Variants in DMRT1 observed in about 807,000 individuals in gnomAD.
DMRT1 encodes doublesex and mab-3 related transcription factor 1.
In DMRT1, 7 loss-of-function variants were observed where a neutral mutation model predicts 32.3. The ratio of observed to expected loss-of-function variants is 0.22; its 90% confidence interval spans 0.12 to 0.41. The LOEUF (loss-of-function observed/expected upper bound fraction) is 0.41, where lower values mean the gene tolerates loss of function less well. DMRT1 is among the 10% of genes least tolerant of loss of function. DMRT1 has a pLI of 1.00. For synonymous variants in DMRT1, 278 were observed against 206.1 expected, an observed-to-expected ratio of 1.35 and a Z score of -2.99; for missense variants, 625 against 500.5, an observed-to-expected ratio of 1.25 and a Z score of -2.37.
At chr9:966,160 T>C (rs1173317721) in intron 4 of DMRT1, among the ~76,000 whole-genome samples, 1 of 152,204 alleles carries the variant, frequency 6.6e-6, no homozygotes, top group Non-Finnish European at 1.5e-5. Flanking sequence ...ATGTATACAA[T>C]TAATAAATCA....
At chr9:858,519 TATTA>T (rs34677462) in intron 2 of DMRT1, among the ~76,000 whole-genome samples, 12,071 of 152,084 alleles carry the variant, frequency 0.079, 1,395 homozygotes, top group African/African-American at 0.26. Context: ...CCTCTTTTTA[TATTA>T]ATTAACTTAT....
intron 2 of DMRT1, among the ~76,000 whole-genome samples, chr9:879,254 G>C (rs139381361): frequency 6.6e-6 from 1 of 151,946 alleles, no homozygotes; most frequent in East Asian, 1.9e-4. Context: ...ATTTATGTGG[G>C]TTATATCTAT....
At chr9:918,420 G>A (rs999720789) in intron 4 of DMRT1, among the ~76,000 whole-genome samples, 2 of 152,162 alleles carry the variant, frequency 1.3e-5, no homozygotes, top group Admixed American at 6.6e-5. Flanking sequence ...AAATATAAGA[G>A]GCAATTTATT....
At chr9:880,686 A>G (rs1401807615) in intron 2 of DMRT1, among the ~76,000 whole-genome samples, 2 of 145,792 alleles carry the variant, frequency 1.4e-5, no homozygotes, top group Non-Finnish European at 3.0e-5. Context: ...AGATTGTGTC[A>G]TTGCACTCCA....
chr9:903,609 G>A (rs972908754), intron 3 of DMRT1, among the ~76,000 whole-genome samples: 1 of 152,226 alleles, frequency 6.6e-6, no homozygotes, highest in African/African-American at 2.4e-5. Flanking sequence ...GTGATGGTGG[G>A]AAGTTTAGCC....
chr9:914,097 G>A (rs941264229), intron 3 of DMRT1, among the ~76,000 whole-genome samples: 2 of 152,234 alleles, frequency 1.3e-5, no homozygotes, highest in East Asian at 1.9e-4. Context: ...AAAAGATGCT[G>A]CAGTGCTCTA....
intron 4 of DMRT1, among the ~76,000 whole-genome samples, chr9:961,484 A>T (rs1232943234): frequency 1.3e-5 from 2 of 152,306 alleles, no homozygotes; most frequent in Admixed American, 1.3e-4. Context: ...ATCGTGGGAT[A>T]ATAATGCTAT....
In DMRT1 at chr9:878,960, C is replaced by T. The variant is rs192622734; in HGVS notation, c.539-14952C>T. On this transcript the variant is annotated intron_variant, in intron 2 of 4. Transcript: ENST00000382276. Reference sequence around the variant, plus strand: ...TTTGCTTGGGACCAGTGCTCTCAACCTGAAGTTGTGCTGCCTGGCCATATT... The same window carrying T: ...TTTGCTTGGGACCAGTGCTCTCAACTTGAAGTTGTGCTGCCTGGCCATATT... Among the ~76,000 whole-genome samples the T allele has an allele frequency of 2.6e-5, 4 of 152,254 alleles. No individual in the cohort carries two copies. The East Asian group carries it at 7.7e-4, about 29-fold the overall frequency.
chr9:899,762 G>A (rs1817500193), intron 3 of DMRT1, among the ~76,000 whole-genome samples: 1 of 152,222 alleles, frequency 6.6e-6, no homozygotes, highest in Admixed American at 6.5e-5. Flanking sequence ...ACAAGGGAGA[G>A]GTGCGTATCG....
At chr9:889,348 G>C (rs576263608) in intron 2 of DMRT1, among the ~76,000 whole-genome samples, 16 of 152,298 alleles carry the variant, frequency 1.1e-4, no homozygotes, top group Non-Finnish European at 2.1e-4. Flanking sequence ...ACAGCGTAAA[G>C]GCAGACATCT....
chr9:936,877 G>T (rs1818904437), intron 4 of DMRT1, among the ~76,000 whole-genome samples: 1 of 151,738 alleles, frequency 6.6e-6, no homozygotes, highest in South Asian at 2.1e-4. Context: ...ACATTTTTAA[G>T]CATACAATTC....
At chr9:859,815 TAATC>T (rs1370083326) in intron 2 of DMRT1, among the ~76,000 whole-genome samples, 3 of 152,092 alleles carry the variant, frequency 2.0e-5, no homozygotes, top group African/African-American at 7.2e-5. Context: ...GAAAAGAAAA[TAATC>T]AATTCAGTAT....
At chr9:945,179 A>C (rs900491238) in intron 4 of DMRT1, among the ~76,000 whole-genome samples, 1 of 151,870 alleles carries the variant, frequency 6.6e-6, no homozygotes, top group Non-Finnish European at 1.5e-5. Flanking sequence ...TTTGACATGG[A>C]GTCTTGCTCT....
chr9:862,095 G>C (rs1258070156), intron 2 of DMRT1, among the ~76,000 whole-genome samples: 15 of 130,634 alleles, frequency 1.1e-4, no homozygotes, highest in East Asian at 6.3e-4. Context: ...CTTCCTAGAC[G>C]GGGTGGCGGC....
intron 4 of DMRT1, among the ~76,000 whole-genome samples, chr9:924,249 T>G (rs1818450967): frequency 6.6e-6 from 1 of 151,922 alleles, no homozygotes; most frequent in African/African-American, 2.4e-5. Context: ...CTTTTGTATT[T>G]TTAGTAGAGA....
intron 2 of DMRT1, among the ~76,000 whole-genome samples, chr9:884,382 A>T (rs1030384279): frequency 7.2e-5 from 11 of 151,846 alleles, no homozygotes; most frequent in Non-Finnish European, 1.6e-4. Context: ...AAAAAAAAAA[A>T]AGTAGCAGAG....
intron 4 of DMRT1, among the ~76,000 whole-genome samples, chr9:924,997 A>T (rs1416225615): frequency 6.6e-6 from 1 of 152,198 alleles, no homozygotes; most frequent in African/African-American, 2.4e-5. Context: ...AAGCACTGCC[A>T]TTTGACAAGG....
intron 3 of DMRT1, among the ~76,000 whole-genome samples, chr9:910,378 C>A (rs118015547): frequency 5.9e-5 from 9 of 151,810 alleles, no homozygotes; most frequent in African/African-American, 1.7e-4. Context: ...TGCAGCCATG[C>A]GATGTTTAGT....
intron 2 of DMRT1, among the ~76,000 whole-genome samples, chr9:870,709 C>CTTTTTTTTTTTGTTTTTTTTTT (rs1816207703): frequency 1.4e-5 from 1 of 69,560 alleles, no homozygotes; most frequent in Non-Finnish European, 2.5e-5. Flanking sequence ...ATTTTCTTGA[C>CTTTTTTTTTTTGTTTTTTTTTT]TTTTTTTTTT....
Sources: gnomAD v4.1 joint callset for allele counts (sites outside exome capture counted in the v4.1 genomes callset) on GRCh38, gnomAD v4.1.1 for gene constraint, MANE v1.5 for transcripts, NCBI Gene and HGNC (gene_info 2026-07-23, HGNC 2026-07-21) for gene names.